Variants in UNC13C observed in about 807,000 individuals in gnomAD.
The protein encoded by UNC13C is protein unc-13 homolog C.
Under a neutral mutation model 245.4 loss-of-function variants are expected in UNC13C, and 174 were observed. The ratio of observed to expected loss-of-function variants is 0.71; its 90% confidence interval spans 0.63 to 0.80. The LOEUF (loss-of-function observed/expected upper bound fraction) is 0.80. UNC13C is among the 30% of genes least tolerant of loss of function. The pLI, the probability that UNC13C is intolerant of heterozygous loss-of-function variation, is 0.00. For synonymous variants in UNC13C, 992 were observed against 895.1 expected (o/e 1.11, Z -1.93); for missense variants, 2,829 against 2,602.9 (o/e 1.09, Z -1.89).
At chr15:54,589,289 CTTTTTTTTTTTTTTT>C (rs71105821) in intron 30 of UNC13C, among the ~76,000 whole-genome samples, 1 of 53,486 alleles carries the variant, frequency 1.9e-5, no homozygotes, top group African/African-American at 6.8e-5. Flanking sequence ...TCTTCTTCTT[CTTTTTTTTTTTTTTT>C]TTTTTTTTTT....
rs562051433 is a variant in UNC13C, at chr15:54,594,659, C to T, written c.6106+26712C>T. Among the ~76,000 whole-genome samples the T allele has an allele frequency of 6.6e-4, 100 of 152,240 alleles. 1 individual carries two copies. The highest frequency in any genetic ancestry group is 2.3e-3 in the African/African-American group (94 of 41,552). On this transcript the variant is annotated intron_variant, in intron 30 of 32. Transcript: ENST00000260323. ...CCAGCTCCCGCACAAACTGTAGGGC[C>T]GGTCTCACTTCCATCATGCCCCCTG...
intron 4 of UNC13C, among the ~76,000 whole-genome samples, chr15:54,144,631 C>T (rs1451569488): frequency 6.6e-6 from 1 of 152,134 alleles, no homozygotes; most frequent in Non-Finnish European, 1.5e-5. Context: ...TGCCACATTG[C>T]CTCTGCAACT....
intron 13 of UNC13C, among the ~76,000 whole-genome samples, chr15:54,301,344 T>C (rs1181932080): frequency 2.0e-5 from 3 of 151,636 alleles, no homozygotes; most frequent in South Asian, 4.2e-4. Context: ...AATGTGCATG[T>C]TTGTTACGTA....
At chr15:54,319,230 A>C (rs1360887665) in intron 13 of UNC13C, among the ~76,000 whole-genome samples, 2 of 151,588 alleles carry the variant, frequency 1.3e-5, no homozygotes, top group South Asian at 4.2e-4. Flanking sequence ...TTTAGGCATT[A>C]CATTTTCCAC....
intron 30 of UNC13C, among the ~76,000 whole-genome samples, chr15:54,575,259 C>T (rs753857746): frequency 1.4e-4 from 21 of 152,184 alleles, no homozygotes; most frequent in Non-Finnish European, 2.2e-4. Flanking sequence ...TGGCCTCGAA[C>T]TCCTGACCTC....
chr15:54,581,706 T>C (rs2141240067), intron 30 of UNC13C, among the ~76,000 whole-genome samples: 1 of 152,342 alleles, frequency 6.6e-6, no homozygotes, highest in Admixed American at 6.5e-5. Context: ...ACATTCTATC[T>C]ATAGCACATG....
At chr15:54,137,037 C>G (rs560929860) in intron 2 of UNC13C, among the ~76,000 whole-genome samples, 2 of 151,944 alleles carry the variant, frequency 1.3e-5, no homozygotes, top group Non-Finnish European at 2.9e-5. Context: ...GTGTCTTGCC[C>G]CAGCTAGTCT....
intron 19 of UNC13C, among the ~76,000 whole-genome samples, chr15:54,453,347 C>G (rs572246071): frequency 5.9e-4 from 90 of 152,124 alleles, no homozygotes; most frequent in Non-Finnish European, 9.7e-4. Flanking sequence ...TGTCTCCTGT[C>G]TCTTATCTGT....
chr15:54,063,894 A>G (rs577304375), intron 2 of UNC13C, among the ~76,000 whole-genome samples: 1 of 152,296 alleles, frequency 6.6e-6, no homozygotes, highest in South Asian at 2.1e-4. Flanking sequence ...GTGTGGAAAT[A>G]CAGGATTTTT....
chr15:53,925,840 C>T, the UNC13C span, among the ~76,000 whole-genome samples: 39 of 152,290 alleles, frequency 2.6e-4, no homozygotes, highest in Non-Finnish European at 4.7e-4. Context: ...TGAATGATCG[C>T]CATGCCTGAC....
At chr15:54,091,916 A>G (rs1326299228) in intron 2 of UNC13C, among the ~76,000 whole-genome samples, 4 of 152,182 alleles carry the variant, frequency 2.6e-5, no homozygotes, top group Admixed American at 2.6e-4. Flanking sequence ...CTTATTATGC[A>G]TCAACCATAT....
rs371460345 is a variant in UNC13C, at chr15:54,478,145, T to G, written c.4934-16463T>G. On this transcript the variant is annotated intron_variant, in intron 19 of 32. Transcript: ENST00000260323. ...ATGGTAGTTTGTATTTCTGTGGGAT[T>G]GGTGGTGATATCCCCTTTATCATTT... 6.0e-5 allele frequency among the ~76,000 whole-genome samples: 9 copies of G among 151,172 alleles called. No homozygotes were observed. In the East Asian group the frequency reaches 1.2e-3, roughly 20 times the overall value.
At chr15:54,289,352 G>T (rs1296422136) in intron 10 of UNC13C, among the ~76,000 whole-genome samples, 2 of 152,028 alleles carry the variant, frequency 1.3e-5, no homozygotes, top group Admixed American at 1.3e-4. Context: ...AAAAGCTTCA[G>T]GTGGCATGGT....
At chr15:54,090,542 C>A (rs776327662) in intron 2 of UNC13C, among the ~76,000 whole-genome samples, 1 of 152,138 alleles carries the variant, frequency 6.6e-6, no homozygotes, top group Admixed American at 6.5e-5. Context: ...AAAGTGGCAA[C>A]GTCAAGATTC....
At chr15:54,062,190 GC>G (rs1897871560) in intron 2 of UNC13C, among the ~76,000 whole-genome samples, 2 of 151,866 alleles carry the variant, frequency 1.3e-5, no homozygotes, top group Admixed American at 6.6e-5. Flanking sequence ...GTGGTGGCAG[GC>G]ACCTGTAATC....
At chr15:53,879,362 C>A in the UNC13C span, among the ~76,000 whole-genome samples, 1 of 152,166 alleles carries the variant, frequency 6.6e-6, no homozygotes, top group South Asian at 2.1e-4. Context: ...GGGTTCTTGC[C>A]ATATTGCCCA....
chr15:54,445,976 G>T (rs1481477940), intron 19 of UNC13C, among the ~76,000 whole-genome samples: 2 of 152,146 alleles, frequency 1.3e-5, no homozygotes, highest in South Asian at 2.1e-4. Context: ...TGTATAAGGT[G>T]TAAGGAAGGG....
intron 1 of UNC13C, among the ~76,000 whole-genome samples, chr15:54,012,306 A>G (rs1895416146): frequency 6.6e-6 from 1 of 152,202 alleles, no homozygotes; most frequent in Non-Finnish European, 1.5e-5. Context: ...ATATTAGGAA[A>G]GAAAGTAGAG....
intron 2 of UNC13C, among the ~76,000 whole-genome samples, chr15:54,129,405 A>G (rs1019860499): frequency 3.3e-5 from 5 of 152,178 alleles, no homozygotes; most frequent in Admixed American, 6.5e-5. Flanking sequence ...AATTAGGTGC[A>G]TATCTTTCTG....
Sources: allele counts gnomAD v4.1 joint callset (sites outside exome capture counted in the v4.1 genomes callset), GRCh38; gene constraint gnomAD v4.1.1; transcripts MANE v1.5; gene names NCBI Gene and HGNC (gene_info 2026-07-23, HGNC 2026-07-21).